The following SACS variants were observed in gnomAD, a reference collection of about 807,000 sequenced individuals.
SACS encodes sacsin.
Under a neutral mutation model 348.0 loss-of-function variants are expected in SACS, and 197 were observed. That is an observed-to-expected ratio of 0.57 (90% CI 0.50 to 0.64). The LOEUF (loss-of-function observed/expected upper bound fraction) is 0.64. SACS is among the 30% of genes least tolerant of loss of function. The pLI, the probability that SACS is intolerant of heterozygous loss-of-function variation, is 0.00. For synonymous variants in SACS, 1,985 were observed against 1,910.6 expected, an observed-to-expected ratio of 1.04 and a Z score of -1.02; for missense variants, 4,999 against 5,360.8, an observed-to-expected ratio of 0.93 and a Z score of 2.11.
rs1450060286 is a variant in SACS, at chr13:23,334,018, A to C, written c.9858T>G (p.Phe3286Leu). The change falls in exon 10 of 10, where the codon TTT becomes TTG. Residue 3286 changes from phenylalanine (F) to leucine (L), a missense_variant. Coordinates refer to ENST00000382292, the MANE Select transcript of SACS (RefSeq NM_014363.6). ...KDWALLPGTK[F>L]TVSANQLVVP... is the part of the protein sequence containing the mutation. ...CCACAAGCTGGTTGGCTGAAACAGTAAACTTTGTTCCTGGAAGCAATGCCC... is the reference window on the plus strand; with the variant it reads ...CCACAAGCTGGTTGGCTGAAACAGTCAACTTTGTTCCTGGAAGCAATGCCC... The C allele has an allele frequency of 1.2e-6, 2 of 1,613,898 alleles. No homozygotes were observed. Among genetic ancestry groups the C allele is most frequent in the South Asian group, 2.2e-5 (2 of 91,068 alleles).
At chr13:23,393,862 A>G (rs1010555953) in intron 2 of SACS, among the ~76,000 whole-genome samples, 6 of 151,858 alleles carry the variant, frequency 4.0e-5, no homozygotes, top group Admixed American at 2.0e-4. Context: ...CTGGGTTCAC[A>G]CCATTCTCCT....
At chr13:23,416,214 G>A (rs1268365942) in intron 1 of SACS, among the ~76,000 whole-genome samples, 5 of 147,626 alleles carry the variant, frequency 3.4e-5, no homozygotes, top group Non-Finnish European at 6.1e-5. Flanking sequence ...CCCACTAGGC[G>A]GAGGTTGCAG....
At chr13:23,381,787 GT>G (rs35976364) in intron 2 of SACS, among the ~76,000 whole-genome samples, 65,575 of 152,062 alleles carry the variant, frequency 0.43, 15,725 homozygotes, top group Admixed American at 0.59. Context: ...ATAAAAACAA[GT>G]TTTTAAATCC....
At chr13:23,431,077 T>C (rs1220148768) in intron 1 of SACS, among the ~76,000 whole-genome samples, 1 of 152,218 alleles carries the variant, frequency 6.6e-6, no homozygotes, top group Non-Finnish European at 1.5e-5. Flanking sequence ...TTGCATTTTG[T>C]AATCTGCAAA....
chr13:23,408,346 G>A (rs9578592), intron 2 of SACS, among the ~76,000 whole-genome samples: 2,898 of 152,228 alleles, frequency 0.019, 77 homozygotes, highest in African/African-American at 0.066. Flanking sequence ...ATATTCTGAG[G>A]CTCCAACATC....
At position 23,340,241 on chromosome 13, in the gene SACS, G is replaced by A; in HGVS notation, c.3635C>T (p.Ala1212Val). 1 of 1,610,948 alleles carries A rather than the reference G, an allele frequency of 6.2e-7. No homozygotes were observed. ...VESIHVNLEK[A>V]LGIFTKPSLS... ...GCTAGGTTTTGTGAAGATCCCTAAT[G>A]CTTTTTCCAGGTTTACATGGATACT... The change falls in exon 10 of 10, where the codon GCA becomes GTA. Residue 1212 changes from alanine to valine, a missense_variant. By Grantham distance (64) the Ala-to-Val change is moderately conservative. Coordinates refer to ENST00000382292, the MANE Select transcript of SACS (RefSeq NM_014363.6).
rs755876406 is a variant in SACS at position 23,335,401 on chromosome 13, G to A, written c.8475C>T (p.Gly2825=). The A allele has an allele frequency of 1.9e-6, 3 of 1,613,870 alleles. No individual in the cohort carries two copies. Among genetic ancestry groups the A allele is most frequent in the Non-Finnish European group, 1.7e-6 (2 of 1,179,866 alleles). ...TAGATACTTTCTCCATACTTGAAAAGCCTGATCTATTACAAATTAGCCACG... is the reference window on the plus strand; with the variant it reads ...TAGATACTTTCTCCATACTTGAAAAACCTGATCTATTACAAATTAGCCACG... ...LTTWLICNRS[G]FSSMEKVSKS... The change falls in exon 10 of 10, where the codon GGC becomes GGT. Residue 2825 remains glycine (G), a synonymous_variant. Transcript: ENST00000382292. This position sits in a 1 kb window ranked among gnomAD's most constrained non-coding sequence, Gnocchi z 4.7.
rs1471003728 is a variant in SACS at position 23,353,807 on chromosome 13, T to C, written c.2163A>G (p.Leu721=). ...TACCTCGGGTTTGGGCAGCTTCCTTTAAAGCAGCCACAAGGTGAGGTTTCA... is the reference window on the plus strand; with the variant it reads ...TACCTCGGGTTTGGGCAGCTTCCTTCAAAGCAGCCACAAGGTGAGGTTTCA... ...DNLKPHLVAA[L]KEAAQTRGRP... The change falls in exon 9 of 10, where the codon TTA becomes TTG. Residue 721 remains leucine (L), a synonymous_variant. Coordinates refer to ENST00000382292, the MANE Select transcript of SACS (RefSeq NM_014363.6). 1 of 1,605,864 alleles carries C rather than the reference T, an allele frequency of 6.2e-7. No individual in the cohort carries two copies. The highest frequency in any genetic ancestry group is 8.5e-7 in the Non-Finnish European group (1 of 1,172,740).
At position 23,335,056 on chromosome 13, in the gene SACS, T is replaced by C. The variant is rs370133588; in HGVS notation, c.8820A>G (p.Thr2940=). The change falls in exon 10 of 10, where the codon ACA becomes ACG. Residue 2940 remains threonine (T), a synonymous_variant. Transcript: ENST00000382292. This position sits in a 1 kb window ranked among gnomAD's most constrained non-coding sequence, Gnocchi z 4.7. ...KKRYFPGSDP[T]LSVLQNTPIH... ...TAGGGGTGTTCTGTAACACTGATAA[T>C]GTTGGATCAGAACCAGGGAAATACC... 27 of 1,613,186 alleles carry C rather than the reference T, an allele frequency of 1.7e-5. No individual in the cohort carries two copies. The highest frequency in any genetic ancestry group is 2.2e-5 in the Non-Finnish European group (26 of 1,179,400).
rs1359993711 is a variant in SACS at position 23,354,911 on chromosome 13, A to C, written c.1701T>G (p.Cys567Trp). The change falls in exon 8 of 10, where the codon TGT (cysteine) becomes TGG (tryptophan). Residue 567 changes from cysteine (C) to tryptophan (W), a missense_variant. Transcript: ENST00000382292. ...LQNAVIYSIS[C>W]DWVRLEQVYF... is the part of the protein sequence containing the mutation. ...ACACCTGCTCCAACCTGACCCAGTC[A>C]CAGCTAATTGAATAAATCACTGCAT... 3.1e-6 allele frequency: 5 copies of C among 1,614,110 alleles called. No homozygotes were observed. The South Asian group carries it at 3.3e-5, about 11-fold the overall frequency.
chr13:23,353,812 C>G lies in SACS; in HGVS notation c.2158G>C (p.Ala720Pro). The G allele has an allele frequency of 1.9e-6, 3 of 1,608,880 alleles. No individual in the cohort carries two copies. Among genetic ancestry groups the G allele is most frequent in the East Asian group, 2.2e-5 (1 of 44,814 alleles). Reference protein sequence around the residue: ...LDNLKPHLVAALKEAAQTRGR... With the variant: ...LDNLKPHLVAPLKEAAQTRGR... Reference sequence around the variant, plus strand: ...CGGGTTTGGGCAGCTTCCTTTAAAGCAGCCACAAGGTGAGGTTTCAAGTTA... The same window carrying G: ...CGGGTTTGGGCAGCTTCCTTTAAAGGAGCCACAAGGTGAGGTTTCAAGTTA... Residue 720 changes from alanine (A) to proline (P), a missense_variant, in exon 9 of 10, where the codon GCT becomes CCT. Physicochemically the swap from Ala to Pro is conservative, Grantham distance 27. This residue lies in a region of SACS where 3,156 missense variants were observed against 3,380.1 expected (regional missense o/e 0.93). Coordinates refer to ENST00000382292, the MANE Select transcript of SACS (RefSeq NM_014363.6).
At chr13:23,400,008 G>A (rs1193629680) in intron 2 of SACS, among the ~76,000 whole-genome samples, 1 of 152,152 alleles carries the variant, frequency 6.6e-6, no homozygotes, top group Non-Finnish European at 1.5e-5. Flanking sequence ...TGCCTCTCAG[G>A]TTTTAACTAA....
In SACS at chr13:23,411,360, G is replaced by T. The variant is rs1343612771; in HGVS notation, c.-121C>A. ...CTCCAAGTTCAGCTCTTCCTGCCAG[G>T]TGGAAAAAAAGCCTGTTTTTCCCTT... is the stretch of plus-strand genomic sequence containing the variant. On this transcript the variant is annotated 5_prime_UTR_variant, in exon 2 of 10. Transcript: ENST00000382292. The T allele has an allele frequency of 3.2e-6, 3 of 923,700 alleles. No individual in the cohort carries two copies. The highest frequency in any genetic ancestry group is 3.3e-5 in the African/African-American group (2 of 61,384). The allele number at this position is 923,700 out of a possible 1,614,324, so 57.2% of individuals were successfully genotyped here. A position where few individuals can be genotyped will look rare whatever the true frequency, so the allele number is the denominator to read the frequency against.
At chr13:23,421,841 T>C (rs1446272544) in intron 1 of SACS, among the ~76,000 whole-genome samples, 4 of 152,020 alleles carry the variant, frequency 2.6e-5, no homozygotes, top group Non-Finnish European at 5.9e-5. Flanking sequence ...GGGCTTCCTG[T>C]CCACTGTGGC....
intron 6 of SACS, 74 bp from the exon 7 acceptor site, chr13:23,358,555 T>C: frequency 6.6e-7 from 1 of 1,514,968 alleles, no homozygotes; most frequent in Non-Finnish European, 9.1e-7. Context: ...AGAGATCCTC[T>C]ATACAAAATC....
chr13:23,377,071 T>A (rs913103678), intron 2 of SACS, among the ~76,000 whole-genome samples: 1 of 152,192 alleles, frequency 6.6e-6, no homozygotes, highest in Non-Finnish European at 1.5e-5. Flanking sequence ...TGATTCCATT[T>A]ATATGACACG....
Position 23,337,948 on chromosome 13 carries a change from G to A in SACS, c.5928C>T (p.Thr1976=), listed in dbSNP as rs1471410972. 1 of 1,613,982 alleles carries A rather than the reference G, an allele frequency of 6.2e-7. No homozygotes were observed. ...DIAHGKGKEL[T]KVFSDGSTWV... is the part of the protein sequence containing the mutation. ...AAGTAGATCCATCAGAGAAGACTTT[G>A]GTCAGTTCTTTCCCTTTTCCATGAG... The change falls in exon 10 of 10, where the codon ACC becomes ACT. Residue 1976 remains threonine (T), a synonymous_variant. Transcript: ENST00000382292.
intron 8 of SACS, 97 bp from the exon 9 acceptor site, chr13:23,353,973 T>C (rs1870149136): frequency 3.9e-6 from 3 of 778,298 alleles, no homozygotes; most frequent in East Asian, 5.0e-5. Context: ...AAGCCGACTA[T>C]TTTATTTTAC....
chr13:23,334,521 A>G lies in SACS; in HGVS notation c.9355T>C (p.Cys3119Arg). ...TTTAGATTAGTCTGCTGCAGACGAC[A>G]AGGCAGCTTCCCAATATGGCAATTA... ...DTNCHIGKLP[C>R]RLQQTNLKLF... Residue 3119 changes from cysteine to arginine, a missense_variant, in exon 10 of 10, where the codon TGT (cysteine) becomes CGT (arginine). Physicochemically the swap from Cys to Arg is radical, Grantham distance 180 (BLOSUM62 -3). Around this residue, in one of 6 missense-constraint regions of SACS, gnomAD observed 734 missense variants for 694.0 expected, o/e 1.06. Coordinates refer to ENST00000382292, the MANE Select transcript of SACS (RefSeq NM_014363.6). 2 of 1,613,520 alleles carry G rather than the reference A, an allele frequency of 1.2e-6. No individual in the cohort carries two copies. The highest frequency in any genetic ancestry group is 1.7e-6 in the Non-Finnish European group (2 of 1,179,776).
Sources: allele counts gnomAD v4.1 joint callset (sites outside exome capture counted in the v4.1 genomes callset), GRCh38; gene constraint gnomAD v4.1.1; regional missense constraint gnomAD v4.1.1; non-coding constraint Gnocchi (gnomAD v3.1); transcripts MANE v1.5; gene names NCBI Gene and HGNC (gene_info 2026-07-23, HGNC 2026-07-21).